Variants in SGCZ observed in about 807,000 individuals in gnomAD.
SGCZ encodes sarcoglycan zeta.
Under a neutral mutation model 41.3 loss-of-function variants are expected in SGCZ, and 40 were observed. The ratio of observed to expected loss-of-function variants is 0.97; its 90% CI spans 0.75 to 1.26. The LOEUF (loss-of-function observed/expected upper bound fraction) is 1.26, where lower values mean the gene tolerates loss of function less well. Ranked by LOEUF, SGCZ falls within the 50% of genes most tolerant of loss-of-function variation. The pLI is 0.00. For synonymous variants in SGCZ, 206 were observed against 137.5 expected, an observed-to-expected ratio of 1.50 and a Z score of -3.49; for missense variants, 552 against 369.8, an observed-to-expected ratio of 1.49 and a Z score of -4.04.
chr8:14,754,317 C>T (rs866939747), intron 1 of SGCZ, among the ~76,000 whole-genome samples: 1 of 152,124 alleles, frequency 6.6e-6, no homozygotes, highest in Non-Finnish European at 1.5e-5. Context: ...TGCAGTCTTC[C>T]CTTTCTCAGC....
intron 1 of SGCZ, among the ~76,000 whole-genome samples, chr8:15,061,132 T>C (rs2131010854): frequency 6.9e-6 from 1 of 145,338 alleles, no homozygotes; most frequent in Non-Finnish European, 1.6e-5. Flanking sequence ...ATAATCTGAA[T>C]GTATCCCCCC....
At chr8:14,646,317 C>G (rs1234504840) in intron 1 of SGCZ, among the ~76,000 whole-genome samples, 1 of 151,940 alleles carries the variant, frequency 6.6e-6, no homozygotes, top group Non-Finnish European at 1.5e-5. Context: ...GTTTTCTGTT[C>G]ATGCATTAAT....
At chr8:14,738,678 T>C (rs10105105) in intron 1 of SGCZ, among the ~76,000 whole-genome samples, 9,187 of 152,118 alleles carry the variant, frequency 0.06, 571 homozygotes, top group African/African-American at 0.16. Flanking sequence ...ATATTTTATT[T>C]ATTAAGATTC....
chr8:14,452,823 C>G (rs1297939204), intron 2 of SGCZ, among the ~76,000 whole-genome samples: 1 of 151,940 alleles, frequency 6.6e-6, no homozygotes, highest in Non-Finnish European at 1.5e-5. Context: ...AGTAAGGGGC[C>G]GGGTGTGGAC....
chr8:14,312,743 T>G (rs1801590110), intron 3 of SGCZ, among the ~76,000 whole-genome samples: 1 of 152,104 alleles, frequency 6.6e-6, no homozygotes, highest in South Asian at 2.1e-4. Context: ...ACACTGATAC[T>G]TCTTTAAAAT....
intron 1 of SGCZ, among the ~76,000 whole-genome samples, chr8:15,161,637 A>T (rs1296731831): frequency 6.6e-6 from 1 of 152,240 alleles, no homozygotes; most frequent in Non-Finnish European, 1.5e-5. Flanking sequence ...AAGTTCAGCA[A>T]ACATGTTGTA....
intron 1 of SGCZ, among the ~76,000 whole-genome samples, chr8:14,844,904 G>A (rs540944434): frequency 3.3e-5 from 5 of 152,152 alleles, no homozygotes; most frequent in Non-Finnish European, 7.3e-5. Context: ...TTACAGCTGT[G>A]ACAGAGTTTT....
chr8:14,301,215 G>T (rs1801175458), intron 3 of SGCZ, among the ~76,000 whole-genome samples: 1 of 151,870 alleles, frequency 6.6e-6, no homozygotes, highest in South Asian at 2.1e-4. Flanking sequence ...TTACGTATCT[G>T]ATTCCCCAAT....
intron 1 of SGCZ, among the ~76,000 whole-genome samples, chr8:15,089,100 A>C (rs936775472): frequency 6.6e-6 from 1 of 152,168 alleles, no homozygotes; most frequent in African/African-American, 2.4e-5. Context: ...TCTAACGTTA[A>C]AATGTTGGTT....
chr8:15,004,375 A>C (rs1463505493), intron 1 of SGCZ, among the ~76,000 whole-genome samples: 2 of 152,138 alleles, frequency 1.3e-5, no homozygotes, highest in Non-Finnish European at 2.9e-5. Context: ...CCTAGGGTGG[A>C]TACTAGGTGG....
In SGCZ at chr8:14,147,905, T is replaced by C. The variant is rs539981954; in HGVS notation, c.547+16675A>G. On this transcript the variant is annotated intron_variant, in intron 5 of 7. Coordinates refer to ENST00000382080, the MANE Select transcript of SGCZ (RefSeq NM_139167.4). ...TAGAAATTAATAATAAGAGGAATTT[T>C]GCGAACTATACAAATACCTAGAAAT... Among the ~76,000 whole-genome samples, 4 of 152,248 alleles carry C rather than the reference T, an allele frequency of 2.6e-5. No individual in the cohort carries two copies. The South Asian group carries it at 8.3e-4, about 32-fold the overall frequency.
intron 2 of SGCZ, among the ~76,000 whole-genome samples, chr8:14,434,629 A>G (rs1270662589): frequency 1.3e-5 from 2 of 152,172 alleles, no homozygotes; most frequent in East Asian, 1.9e-4. Context: ...TGTTTGTGTC[A>G]TCTATGATGT....
intron 2 of SGCZ, among the ~76,000 whole-genome samples, chr8:14,465,323 T>C (rs903113752): frequency 1.3e-5 from 2 of 151,758 alleles, no homozygotes; most frequent in African/African-American, 4.8e-5. Context: ...ATAATGTCCT[T>C]TTCTTGTGGA....
chr8:14,293,537 T>A lies in SGCZ; in HGVS notation c.336+30566A>T, dbSNP rs1017980542. Reference sequence around the variant, plus strand: ...TTAACTCCGAATGAAATTTGTCAGTTTGATACATATGTCAATAATTTCTAG... The same window carrying A: ...TTAACTCCGAATGAAATTTGTCAGTATGATACATATGTCAATAATTTCTAG... On this transcript the variant is annotated intron_variant, in intron 3 of 7. Transcript: ENST00000382080. 7.2e-5 allele frequency among the ~76,000 whole-genome samples: 11 copies of A among 151,976 alleles called. No homozygotes were observed. In the East Asian group the frequency reaches 1.7e-3, roughly 24 times the overall value.
intron 1 of SGCZ, among the ~76,000 whole-genome samples, chr8:14,576,875 G>C (rs1234908542): frequency 6.6e-6 from 1 of 152,320 alleles, no homozygotes; most frequent in African/African-American, 2.4e-5. Context: ...CTCCTTGTAA[G>C]AAGGAGCTAT....
chr8:14,800,625 T>C (rs538536502), intron 1 of SGCZ, among the ~76,000 whole-genome samples: 2 of 152,134 alleles, frequency 1.3e-5, no homozygotes, highest in Non-Finnish European at 2.9e-5. Context: ...GAAAAGTCTG[T>C]GGTGTTTCCA....
chr8:14,245,300 A>C (rs528739776), intron 3 of SGCZ, among the ~76,000 whole-genome samples: 8 of 152,148 alleles, frequency 5.3e-5, no homozygotes, highest in African/African-American at 1.7e-4. Context: ...GCATATCTAC[A>C]ACTATCTGAT....
chr8:14,358,677 T>C (rs766969122), intron 2 of SGCZ, among the ~76,000 whole-genome samples: 1 of 152,142 alleles, frequency 6.6e-6, no homozygotes, highest in African/African-American at 2.4e-5. Context: ...AGTGGTGTGA[T>C]CTTGGTTCAC....
intron 1 of SGCZ, among the ~76,000 whole-genome samples, chr8:14,838,391 G>C (rs1050098810): frequency 1.3e-5 from 2 of 152,096 alleles, no homozygotes; most frequent in South Asian, 2.1e-4. Flanking sequence ...ACTCACCTTA[G>C]AGCATGCCAT....
Sources: allele counts gnomAD v4.1 joint callset (sites outside exome capture counted in the v4.1 genomes callset), GRCh38; gene constraint gnomAD v4.1.1; transcripts MANE v1.5; gene names NCBI Gene and HGNC (gene_info 2026-07-23, HGNC 2026-07-21).